ACTB: variants seen among roughly 807,000 people sequenced by gnomAD.
ACTB encodes the protein actin beta.
Under a neutral mutation model 30.5 loss-of-function variants are expected in ACTB, and 2 were observed. The ratio of observed to expected loss-of-function variants is 0.07; its 90% confidence interval spans 0.03 to 0.21. The LOEUF (loss-of-function observed/expected upper bound fraction) is 0.21. Ranked by LOEUF, ACTB falls within the 10% of genes least tolerant of loss-of-function variation. The probability of loss-of-function intolerance (pLI) is 1.00; values close to 1 mark genes in which losing one functional copy is unlikely to be tolerated. For synonymous variants in ACTB, 335 were observed against 217.6 expected (o/e 1.54, Z -4.75); for missense variants, 56 against 530.0 (o/e 0.11, Z 8.78).
chr7:5,528,985 A>T, intron 3 of ACTB, 176 bp downstream of exon 3: 1 of 1,585,926 alleles, frequency 6.3e-7, no homozygotes, highest in Non-Finnish European at 8.6e-7. Flanking sequence ...CAAACACCAG[A>T]AAAAGAGCTC....
At chr7:5,528,958 ACAC>A in intron 3 of ACTB, 200 bp downstream of exon 3, 4 of 1,546,700 alleles carry the variant, frequency 2.6e-6, no homozygotes, top group Non-Finnish European at 3.5e-6. Flanking sequence ...ACTGTCTTAG[ACAC>A]CTAGTCAGAG....
At position 5,527,929 on chromosome 7, in the gene ACTB, T is replaced by C. The variant is rs200901123; in HGVS notation, c.985-38A>G. 235 of 1,613,032 alleles carry C rather than the reference T, an allele frequency of 1.5e-4. No homozygotes were observed. In the African/African-American group the frequency reaches 2.6e-3, roughly 18 times the overall value. On this transcript the variant is annotated intron_variant, in intron 5 of 5. Transcript: ENST00000646664. ...GGGGACAGGCAGTGAGGACCCTGGATGTGACAGCTCCCCACACACCACAGG... is the reference window on the plus strand; with the variant it reads ...GGGGACAGGCAGTGAGGACCCTGGACGTGACAGCTCCCCACACACCACAGG...
At chr7:5,528,933 A>G (rs1329112861) in intron 3 of ACTB, 2 of 1,501,416 alleles carry the variant, frequency 1.3e-6, no homozygotes, top group Non-Finnish European at 1.8e-6. Context: ...CAGTGTTAGT[A>G]CCTACACCCA....
chr7:5,529,139 G>A (rs374419443), intron 3 of ACTB, 22 bp downstream of exon 3: 4 of 1,613,792 alleles, frequency 2.5e-6, no homozygotes, highest in Admixed American at 1.7e-5. Flanking sequence ...GCGGCCACCA[G>A]AAGAGGTAGC....
Position 5,527,711 on chromosome 7 carries a change from T to C in ACTB, c.*37A>G, listed in dbSNP as rs1367192300. 19 of 1,612,026 alleles carry C rather than the reference T, an allele frequency of 1.2e-5. No homozygotes were observed. The highest frequency in any genetic ancestry group is 1.4e-5 in the Non-Finnish European group (16 of 1,179,814). ...TGTTTTCTGCGCAAGTTAGGTTTTG[T>C]CAAGAAAGGGTGTAACGCAACTAAG... On this transcript the variant is annotated 3_prime_UTR_variant, in exon 6 of 6. Transcript: ENST00000646664.
At position 5,529,696 on chromosome 7, in the gene ACTB, G is replaced by A. The variant is rs2908425; in HGVS notation, c.-6-33C>T. The A allele has an allele frequency of 0.33, 531,529 of 1,610,146 alleles. 88,943 individuals carry two copies. Among genetic ancestry groups the A allele is most frequent in the African/African-American group, 0.35 (26,276 of 74,940 alleles). On this transcript the variant is annotated intron_variant, in intron 1 of 5. Transcript: ENST00000646664. ...AATAGCCGGGCGCGCTGTGAGCCGA[G>A]GTCGCCCCCGCCCTGGCCACTTCCG...
At position 5,527,793 on chromosome 7, in the gene ACTB, C is replaced by T. The variant is rs1188599041; in HGVS notation, c.1083G>A (p.Glu361=). Residue 361 remains glutamate, a synonymous_variant, in exon 6 of 6, where the codon GAG becomes GAA. Transcript: ENST00000646664. The part of the protein sequence containing the change: ...TFQQMWISKQ[E]YDESGPSIVH... Reference sequence around the variant, plus strand: ...CGATGGAGGGGCCGGACTCGTCATACTCCTGCTTGCTGATCCACATCTGCT... The same window carrying T: ...CGATGGAGGGGCCGGACTCGTCATATTCCTGCTTGCTGATCCACATCTGCT... 6 of 1,614,118 alleles carry T rather than the reference C, an allele frequency of 3.7e-6. No homozygotes were observed. The highest frequency in any genetic ancestry group is 3.4e-6 in the Non-Finnish European group (4 of 1,180,018).
intron 1 of ACTB, 82 bp from the exon 2 acceptor site, chr7:5,529,745 AG>A: frequency 1.3e-6 from 2 of 1,597,256 alleles, no homozygotes; most frequent in Non-Finnish European, 1.7e-6. Context: ...TTAGGCCGCC[AG>A]GGGGCGCCGG....
In ACTB at chr7:5,527,434, A is replaced by C; in HGVS notation, c.*314T>G. The C allele has an allele frequency of 2.1e-6, 1 of 469,408 alleles. No homozygotes were observed. Among genetic ancestry groups the C allele is most frequent in the Non-Finnish European group, 3.9e-6 (1 of 258,096 alleles). 29.1% of individuals were successfully genotyped at this position (469,408 alleles called of 1,614,324 possible). On this transcript the variant is annotated 3_prime_UTR_variant, in exon 6 of 6. Coordinates refer to ENST00000646664, the MANE Select transcript of ACTB (RefSeq NM_001101.5). ...GAGAGGACTGGGCCATTCTCCTTAGAGAGAAGTGGGGTGGCTTTTAGGATG... is the reference window on the plus strand; with the variant it reads ...GAGAGGACTGGGCCATTCTCCTTAGCGAGAAGTGGGGTGGCTTTTAGGATG...
intron 1 of ACTB, 59 bp from the exon 2 acceptor site, chr7:5,529,722 G>A (rs1784843618): frequency 1.9e-6 from 3 of 1,608,132 alleles, no homozygotes; most frequent in Non-Finnish European, 2.5e-6. Flanking sequence ...GCCACTTCCG[G>A]CGCGCCGAGT....
chr7:5,529,857 C>T (rs1288674951), intron 1 of ACTB, 194 bp from the exon 2 acceptor site: 1 of 951,558 alleles, frequency 1.1e-6, no homozygotes. Flanking sequence ...CGGCAGGAAG[C>T]CAGGCCCCAA....
intron 1 of ACTB, 56 bp from the exon 2 acceptor site, chr7:5,529,719 C>A: frequency 1.9e-6 from 3 of 1,608,410 alleles, no homozygotes; most frequent in Non-Finnish European, 2.5e-6. Flanking sequence ...CTGGCCACTT[C>A]CGGCGCGCCG....
At chr7:5,530,470 GC>G (rs1784870415) in intron 1 of ACTB, 53 bp downstream of exon 1, 1 of 64,052 alleles carries the variant, frequency 1.6e-5, no homozygotes, top group African/African-American at 6.5e-5. Flanking sequence ...AGGGGCCGCG[GC>G]CGCCTGCGGC....
rs778469068 is a variant in ACTB at position 5,529,643 on chromosome 7, G to A, written c.15C>T (p.Ile5=). Residue 5 remains isoleucine, a synonymous_variant, in exon 2 of 6, where the codon ATC becomes ATT. Coordinates refer to ENST00000646664, the MANE Select transcript of ACTB (RefSeq NM_001101.5). ...AGCCGTTGTCGACGACGAGCGCGGC[G>A]ATATCATCATCCATGGTGAGCTGCG... MDDD[I]AALVVDNGSG... 4 of 1,611,246 alleles carry A rather than the reference G, an allele frequency of 2.5e-6. No homozygotes were observed. Among genetic ancestry groups the A allele is most frequent in the South Asian group, 2.2e-5 (2 of 91,044 alleles).
At chr7:5,529,075 GAAGA>G in intron 3 of ACTB, 82 bp downstream of exon 3, 1 of 1,613,350 alleles carries the variant, frequency 6.2e-7, no homozygotes, top group Non-Finnish European at 8.5e-7. Context: ...GAAAACGGCA[GAAGA>G]GAGAACCAGT....
At position 5,528,723 on chromosome 7, in the gene ACTB, T is replaced by C. The variant is rs763065691; in HGVS notation, c.364-4A>G. On this transcript the variant is annotated splice_polypyrimidine_tract_variant and splice_region_variant and intron_variant, in intron 3 of 5. Coordinates refer to ENST00000646664, the MANE Select transcript of ACTB (RefSeq NM_001101.5). Reference sequence around the variant, plus strand: ...TGTTGAAGGTCTCAAACATGATCTGTAAGGCAGAGATACACCATGTCACAC... The same window carrying C: ...TGTTGAAGGTCTCAAACATGATCTGCAAGGCAGAGATACACCATGTCACAC... The C allele has an allele frequency of 3.4e-5, 55 of 1,612,584 alleles. No homozygotes were observed. The African/African-American group carries it at 6.1e-4, about 18-fold the overall frequency.
At chr7:5,529,508 G>A (rs749090488) in intron 2 of ACTB, 27 bp downstream of exon 2, 4 of 1,611,838 alleles carry the variant, frequency 2.5e-6, no homozygotes, top group African/African-American at 2.7e-5. Flanking sequence ...CGCTCCCGGG[G>A]CTGCCCCACC....
Position 5,527,840 on chromosome 7 carries a change from G to A in ACTB, c.1036C>T (p.Leu346=). 1.2e-6 allele frequency: 2 copies of A among 1,613,144 alleles called. No individual in the cohort carries two copies. The highest frequency in any genetic ancestry group is 1.7e-6 in the Non-Finnish European group (2 of 1,179,710). Residue 346 remains leucine (L), a synonymous_variant, in exon 6 of 6, where the codon CTG becomes TTG. Coordinates refer to ENST00000646664, the MANE Select transcript of ACTB (RefSeq NM_001101.5). ...KYSVWIGGSI[L]ASLSTFQQMW... Reference sequence around the variant, plus strand: ...TGCTGGAAGGTGGACAGCGAGGCCAGGATGGAGCCGCCGATCCACACGGAG... The same window carrying A: ...TGCTGGAAGGTGGACAGCGAGGCCAAGATGGAGCCGCCGATCCACACGGAG...
intron 1 of ACTB, among the ~76,000 whole-genome samples, chr7:5,530,209 G>C (rs1584264411): frequency 6.6e-6 from 1 of 152,008 alleles, no homozygotes; most frequent in East Asian, 1.9e-4. Context: ...CCTGGCGGGG[G>C]CTCCGCCGCG....
Sources: gnomAD v4.1 joint callset for allele counts (sites outside exome capture counted in the v4.1 genomes callset) on GRCh38, gnomAD v4.1.1 for gene constraint, MANE v1.5 for transcripts, NCBI Gene and HGNC (gene_info 2026-07-23, HGNC 2026-07-21) for gene names.